Variants in CPXM2 observed in about 807,000 individuals in gnomAD.
The protein encoded by CPXM2 is inactive carboxypeptidase-like protein X2.
In CPXM2, 66 loss-of-function variants were observed where a neutral mutation model predicts 86.1. That is an observed-to-expected ratio of 0.77 (90% CI 0.63 to 0.94). The LOEUF (loss-of-function observed/expected upper bound fraction) is 0.94. CPXM2 is among the 40% of genes least tolerant of loss of function. CPXM2 has a pLI of 0.00. For missense variants in CPXM2, 948 were observed against 1,026.3 expected (o/e 0.92, Z 1.04); for synonymous variants, 388 against 400.2 (o/e 0.97, Z 0.36).
At chr10:123,907,976 AAAG>A (rs1414135637) in intron 2 of CPXM2, among the ~76,000 whole-genome samples, 1 of 152,168 alleles carries the variant, frequency 6.6e-6, no homozygotes, top group African/African-American at 2.4e-5. Flanking sequence ...GAAGGAAATG[AAAG>A]AAGTGAGAAA....
intron 11 of CPXM2, among the ~76,000 whole-genome samples, chr10:123,759,403 G>A (rs1846284561): frequency 6.6e-6 from 1 of 152,190 alleles, no homozygotes; most frequent in African/African-American, 2.4e-5. Flanking sequence ...TTTGCAATAT[G>A]TGTCTTCAGA....
chr10:123,785,790 G>T (rs140007933), intron 6 of CPXM2, among the ~76,000 whole-genome samples: 3 of 151,898 alleles, frequency 2.0e-5, no homozygotes, highest in Non-Finnish European at 4.4e-5. Flanking sequence ...TCGCCACCAC[G>T]CCTGGCTAAA....
At chr10:123,789,518 AT>A (rs532518381) in intron 6 of CPXM2, among the ~76,000 whole-genome samples, 83 of 152,324 alleles carry the variant, frequency 5.4e-4, no homozygotes, top group Admixed American at 2.2e-3. Flanking sequence ...TCCCAAGATC[AT>A]CAACATTGGG....
chr10:123,834,961 C>T (rs531869057), intron 4 of CPXM2, among the ~76,000 whole-genome samples: 18 of 152,330 alleles, frequency 1.2e-4, no homozygotes, highest in African/African-American at 4.1e-4. Context: ...CTTCACCTTC[C>T]GACTTGAGTG....
intron 4 of CPXM2, among the ~76,000 whole-genome samples, chr10:123,825,753 A>G (rs1284507777): frequency 2.6e-5 from 4 of 152,170 alleles, no homozygotes; most frequent in Non-Finnish European, 4.4e-5. Flanking sequence ...AACTACCTTA[A>G]TATTTTTATT....
intron 2 of CPXM2, among the ~76,000 whole-genome samples, chr10:123,923,863 A>G (rs150074705): frequency 0.01 from 1,551 of 152,306 alleles, 17 homozygotes; most frequent in African/African-American, 0.031. Flanking sequence ...CATGTGAGAC[A>G]TGCCTTTCAC....
intron 3 of CPXM2, among the ~76,000 whole-genome samples, chr10:123,855,429 C>T (rs1463635318): frequency 6.6e-6 from 1 of 152,172 alleles, no homozygotes; most frequent in Admixed American, 6.5e-5. Flanking sequence ...GTCAAAGACA[C>T]GGGTGCAGGG....
chr10:123,824,862 C>T (rs1422109277), intron 4 of CPXM2, among the ~76,000 whole-genome samples: 4 of 152,208 alleles, frequency 2.6e-5, no homozygotes, highest in Admixed American at 6.5e-5. Flanking sequence ...GACATCTCCC[C>T]GCCCTGAATG....
At chr10:123,776,498 C>T (rs190695206) in intron 7 of CPXM2, among the ~76,000 whole-genome samples, 59 of 152,230 alleles carry the variant, frequency 3.9e-4, no homozygotes, top group South Asian at 6.2e-4. Flanking sequence ...AAATGTTATG[C>T]GCAGTGACAC....
intron 4 of CPXM2, among the ~76,000 whole-genome samples, chr10:123,813,304 C>A (rs1300537751): frequency 2.0e-5 from 3 of 152,162 alleles, no homozygotes; most frequent in African/African-American, 7.2e-5. Context: ...AAGAAGAAGC[C>A]AAGTTCATCA....
intron 1 of CPXM2, among the ~76,000 whole-genome samples, chr10:123,886,289 C>T (rs1386670536): frequency 1.3e-5 from 2 of 152,134 alleles, no homozygotes; most frequent in African/African-American, 4.8e-5. Context: ...AATCCTTACA[C>T]ACTCCCATTT....
At chr10:123,859,110 G>C (rs1310066464) in intron 3 of CPXM2, among the ~76,000 whole-genome samples, 2 of 152,164 alleles carry the variant, frequency 1.3e-5, no homozygotes, top group African/African-American at 4.8e-5. Context: ...TAGAGTCCTA[G>C]GCCGGCACAG....
intron 2 of CPXM2, among the ~76,000 whole-genome samples, chr10:123,873,882 C>CA (rs1564807882): frequency 2.6e-5 from 3 of 116,100 alleles, no homozygotes; most frequent in Non-Finnish European, 5.0e-5. Flanking sequence ...TTTTTTGAGA[C>CA]AGAGTCTCAC....
chr10:123,781,515 C>A (rs555980030), intron 6 of CPXM2, among the ~76,000 whole-genome samples: 1 of 152,280 alleles, frequency 6.6e-6, no homozygotes, highest in East Asian at 1.9e-4. Flanking sequence ...GTGTTCAGCG[C>A]TCCCTCCAAT....
At chr10:123,823,687 AGT>A (rs1050699495) in intron 4 of CPXM2, among the ~76,000 whole-genome samples, 1 of 152,228 alleles carries the variant, frequency 6.6e-6, no homozygotes, top group African/African-American at 2.4e-5. Flanking sequence ...AGAGAAAAAA[AGT>A]GTGTGTGTTA....
intron 3 of CPXM2, among the ~76,000 whole-genome samples, chr10:123,859,655 G>A (rs1256052992): frequency 1.3e-5 from 2 of 152,232 alleles, no homozygotes; most frequent in Non-Finnish European, 2.9e-5. Flanking sequence ...AGACTTTCCT[G>A]TGAGAAAGCA....
intron 4 of CPXM2, among the ~76,000 whole-genome samples, chr10:123,825,833 A>C (rs1848033626): frequency 6.6e-6 from 1 of 152,136 alleles, no homozygotes; most frequent in Non-Finnish European, 1.5e-5. Flanking sequence ...TTCCCAAAGA[A>C]GCTCCCTTAC....
At chr10:123,898,465 A>T (rs1399371842) in intron 2 of CPXM2, among the ~76,000 whole-genome samples, 1 of 142,700 alleles carries the variant, frequency 7.0e-6, no homozygotes, top group Non-Finnish European at 1.6e-5. Flanking sequence ...ACCTTATCTC[A>T]AAAAAATATA....
intron 6 of CPXM2, among the ~76,000 whole-genome samples, chr10:123,784,481 T>C (rs1356481725): frequency 6.6e-6 from 1 of 152,200 alleles, no homozygotes; most frequent in East Asian, 1.9e-4. Context: ...AGTCCTCCTG[T>C]GGTTTTCTTT....
Sources: allele counts gnomAD v4.1 joint callset (sites outside exome capture counted in the v4.1 genomes callset), GRCh38; gene constraint gnomAD v4.1.1; transcripts MANE v1.5; gene names NCBI Gene and HGNC (gene_info 2026-07-23, HGNC 2026-07-21).